The following UCHL3 variants were observed in gnomAD, a reference collection of about 807,000 sequenced individuals.
The protein encoded by UCHL3 is ubiquitin carboxyl-terminal hydrolase isozyme L3.
A neutral mutation model predicts 35.8 loss-of-function variants in UCHL3; 22 were observed. The observed-to-expected ratio is 0.61, with a 90% CI of 0.44 to 0.88. UCHL3 has a LOEUF of 0.88. Ranked by LOEUF, UCHL3 falls within the 40% of genes least tolerant of loss-of-function variation. The pLI is 0.00. For missense variants in UCHL3, 229 were observed against 276.9 expected, an observed-to-expected ratio of 0.83 and a Z score of 1.23; for synonymous variants, 90 against 92.8, an observed-to-expected ratio of 0.97 and a Z score of 0.17.
intron 7 of UCHL3, among the ~76,000 whole-genome samples, chr13:75,601,859 C>T (rs1182155579): frequency 6.6e-6 from 1 of 152,084 alleles, no homozygotes; most frequent in Non-Finnish European, 1.5e-5. Context: ...CCTGTAATCC[C>T]AGCACTTTGG....
intron 6 of UCHL3, among the ~76,000 whole-genome samples, chr13:75,593,570 A>G (rs958975229): frequency 6.6e-6 from 1 of 152,176 alleles, no homozygotes; most frequent in Non-Finnish European, 1.5e-5. Flanking sequence ...TAGAGGGGCT[A>G]CCACAGGATG....
At position 75,559,030 on chromosome 13, in the gene UCHL3, C is replaced by CTTT. The variant is rs34100020; in HGVS notation, c.55-1698_55-1696dup. On this transcript the variant is annotated intron_variant, in intron 2 of 8. Transcript: ENST00000377595. ...CCATTGATCTCCTCAGCCCCGGACT[C>CTTT]TTTTTTTTTTTTTTTTTTTTTTTTT... Among the ~76,000 whole-genome samples, 56 of 64,302 alleles carry CTTT rather than the reference C, an allele frequency of 8.7e-4. 10 individuals are homozygous for CTTT. Among genetic ancestry groups the CTTT allele is most frequent in the African/African-American group, 3.2e-3 (49 of 15,182 alleles). 42.2% of individuals were successfully genotyped at this position (64,302 alleles called of 152,430 possible).
rs1345276784 is a variant in UCHL3 at position 75,590,174 on chromosome 13, TGTC to T, written c.475-4740_475-4738del. The T allele has an allele frequency of 2.5e-5, 30 of 1,215,160 alleles. No homozygotes were observed. The African/African-American group carries it at 4.0e-4, about 16-fold the overall frequency. 75.3% of individuals were successfully genotyped at this position (1,215,160 alleles called of 1,614,324 possible). On this transcript the variant is annotated intron_variant, in intron 6 of 8. Coordinates refer to ENST00000377595, the MANE Select transcript of UCHL3 (RefSeq NM_006002.5). ...CGTCTCTTCTTCCAGTGACAAGGGC[TGTC>T]TTTTTTTTTTTTTTTTCTTAACTTC...
intron 6 of UCHL3, among the ~76,000 whole-genome samples, chr13:75,592,414 T>TCATATATATATATGTATATACATATATA (rs2032501084): frequency 2.2e-4 from 4 of 18,140 alleles, no homozygotes; most frequent in African/African-American, 6.3e-4. Context: ...AATTTTTCCT[T>TCATATATATATATGTATATACATATATA]CATATATATA....
At chr13:75,559,242 G>A (rs575260083) in intron 2 of UCHL3, among the ~76,000 whole-genome samples, 1 of 151,024 alleles carries the variant, frequency 6.6e-6, no homozygotes, top group African/African-American at 2.4e-5. Flanking sequence ...GGGTTTCACC[G>A]TATTAGCCAG....
At chr13:75,577,527 G>A (rs1042161233) in intron 6 of UCHL3, among the ~76,000 whole-genome samples, 3 of 152,100 alleles carry the variant, frequency 2.0e-5, no homozygotes, top group African/African-American at 7.2e-5. Flanking sequence ...ATAGTCCGTG[G>A]ATATCGAGGG....
At chr13:75,549,575 C>T (rs2030995458), upstream of UCHL3, 3 of 458,918 alleles carry the variant, frequency 6.5e-6, no homozygotes, top group Non-Finnish European at 1.1e-5. Context: ...TGTTTTTCTC[C>T]CGAAATAGGA....
chr13:75,585,888 G>A (rs2032310031), intron 6 of UCHL3, among the ~76,000 whole-genome samples: 1 of 151,752 alleles, frequency 6.6e-6, no homozygotes, highest in Non-Finnish European at 1.5e-5. Flanking sequence ...GTATAAACAA[G>A]AAGCCCACAG....
intron 7 of UCHL3, among the ~76,000 whole-genome samples, chr13:75,597,553 C>T (rs571673844): frequency 3.9e-5 from 6 of 152,026 alleles, no homozygotes; most frequent in Non-Finnish European, 8.8e-5. Flanking sequence ...CAACTATTTA[C>T]ATAGCATTTA....
upstream of UCHL3, chr13:75,549,696 G>T (rs908908369): frequency 9.9e-5 from 111 of 1,125,564 alleles, no homozygotes; most frequent in South Asian, 1.5e-4. Flanking sequence ...AACTCTTTTT[G>T]GTGTTTAGGC....
chr13:75,573,656 T>A (rs1203472183), intron 6 of UCHL3, among the ~76,000 whole-genome samples: 1 of 152,162 alleles, frequency 6.6e-6, no homozygotes, highest in Non-Finnish European at 1.5e-5. Context: ...TGATCTGATG[T>A]CTCTTCCTGT....
chr13:75,550,123 C>T (rs1353389446), intron 2 of UCHL3, 136 bp downstream of exon 2: 3 of 1,388,468 alleles, frequency 2.2e-6, no homozygotes, highest in Non-Finnish European at 3.1e-6. Flanking sequence ...TTCGGCTTTA[C>T]GCGGGTCCGC....
intron 3 of UCHL3, among the ~76,000 whole-genome samples, chr13:75,562,818 TTACA>T (rs1345539430): frequency 6.6e-6 from 1 of 152,182 alleles, no homozygotes; most frequent in African/African-American, 2.4e-5. Context: ...AAATTTGTAC[TTACA>T]TAAGTAGAAA....
At chr13:75,593,112 T>C (rs1390032315) in intron 6 of UCHL3, among the ~76,000 whole-genome samples, 1 of 152,204 alleles carries the variant, frequency 6.6e-6, no homozygotes, top group African/African-American at 2.4e-5. Flanking sequence ...AGGTAACTAA[T>C]AATTTATGAA....
intron 6 of UCHL3, among the ~76,000 whole-genome samples, chr13:75,573,578 C>T (rs1056231582): frequency 4.6e-5 from 7 of 152,142 alleles, no homozygotes; most frequent in African/African-American, 1.7e-4. Flanking sequence ...TCACTGTAGC[C>T]TTACCTGGCC....
intron 6 of UCHL3, among the ~76,000 whole-genome samples, chr13:75,584,119 C>G (rs1012786138): frequency 5.3e-5 from 8 of 152,054 alleles, no homozygotes; most frequent in African/African-American, 1.9e-4. Flanking sequence ...ATAAAACCAC[C>G]CCTTTTGCGG....
intron 3 of UCHL3, among the ~76,000 whole-genome samples, 163 bp downstream of exon 3, chr13:75,561,044 C>T (rs550147636): frequency 6.6e-6 from 1 of 152,304 alleles, no homozygotes. Flanking sequence ...GATCCTCCCA[C>T]CTTAGCCTTT....
At chr13:75,605,707 T>A (rs372865600) in intron 8 of UCHL3, 22 bp from the exon 9 acceptor site, 414 of 1,606,262 alleles carry the variant, frequency 2.6e-4, no homozygotes, top group Middle Eastern at 8.3e-4. Context: ...TGAAAAATCA[T>A]ACTTTTTTTT....
intron 7 of UCHL3, among the ~76,000 whole-genome samples, chr13:75,603,091 G>A (rs1427807273): frequency 1.3e-5 from 2 of 152,130 alleles, no homozygotes; most frequent in African/African-American, 2.4e-5. Context: ...CTGGGCTCAA[G>A]TGATCCTCCT....
Sources: allele counts gnomAD v4.1 joint callset (sites outside exome capture counted in the v4.1 genomes callset), GRCh38; gene constraint gnomAD v4.1.1; transcripts MANE v1.5; gene names NCBI Gene and HGNC (gene_info 2026-07-23, HGNC 2026-07-21).